The following CACNA1C variants were observed in gnomAD, a reference collection of about 807,000 sequenced individuals.
The protein encoded by CACNA1C is voltage-dependent L-type calcium channel subunit alpha-1C.
In CACNA1C, 30 loss-of-function variants were observed where a neutral mutation model predicts 229.0. The ratio of observed to expected loss-of-function variants is 0.13; its 90% CI spans 0.10 to 0.18. The LOEUF (loss-of-function observed/expected upper bound fraction) is 0.18. Among genes scored for constraint, CACNA1C ranks in the 10% least tolerant of loss-of-function variants. The probability of loss-of-function intolerance (pLI) is 1.00; values close to 1 mark genes in which losing one functional copy is unlikely to be tolerated. For missense variants in CACNA1C, 1,658 were observed against 2,845.0 expected (o/e 0.58, Z 9.49); for synonymous variants, 1,114 against 1,132.5 (o/e 0.98, Z 0.33).
chr12:2,090,354 G>T, intron 1 of CACNA1C, among the ~76,000 whole-genome samples: 1 of 104,908 alleles, frequency 9.5e-6, no homozygotes, highest in African/African-American at 3.8e-5. Context: ...GTCTTGCTCT[G>T]TCACCCAGGC....
At chr12:2,312,763 G>A (rs1326864940) in intron 3 of CACNA1C, among the ~76,000 whole-genome samples, 2 of 152,008 alleles carry the variant, frequency 1.3e-5, no homozygotes, top group African/African-American at 2.4e-5. Context: ...CATTTCAACC[G>A]TCATACCATC....
rs962903025 is a variant in CACNA1C, at chr12:2,696,362, G to A, written c.*5163G>A. ...ACTAAGACTAGGTAATTACACAGAG[G>A]CTTGAAATGTTACATCACCAGAGCC... is the stretch of plus-strand genomic sequence containing the variant. On this transcript the variant is annotated 3_prime_UTR_variant, in exon 47 of 47. Transcript: ENST00000399655. 1 of 152,134 alleles carries A rather than the reference G, an allele frequency of 6.6e-6. No homozygotes were observed. The highest frequency in any genetic ancestry group is 1.5e-5 in the Non-Finnish European group (1 of 68,028). 9.4% of individuals were successfully genotyped at this position (152,134 alleles called of 1,614,324 possible). A position where few individuals can be genotyped will look rare whatever the true frequency, so the allele number is the denominator to read the frequency against.
chr12:2,526,198 C>G (rs1160329838), intron 9 of CACNA1C, among the ~76,000 whole-genome samples: 1 of 152,180 alleles, frequency 6.6e-6, no homozygotes, highest in African/African-American at 2.4e-5. Context: ...TTCTAAAACC[C>G]TGGGGCATAA....
At chr12:2,369,743 G>A (rs2097807237) in intron 3 of CACNA1C, among the ~76,000 whole-genome samples, 1 of 152,092 alleles carries the variant, frequency 6.6e-6, no homozygotes, top group African/African-American at 2.4e-5. Flanking sequence ...GCAAATTACA[G>A]GTGGATTCAA....
chr12:2,339,005 T>C (rs1371842171), intron 3 of CACNA1C, among the ~76,000 whole-genome samples: 1 of 152,246 alleles, frequency 6.6e-6, no homozygotes, highest in Non-Finnish European at 1.5e-5. Context: ...TAGAGAATAA[T>C]TTCAAAATTA....
At chr12:2,306,343 A>G (rs1351095435) in intron 3 of CACNA1C, among the ~76,000 whole-genome samples, 3 of 152,226 alleles carry the variant, frequency 2.0e-5, no homozygotes, top group Non-Finnish European at 4.4e-5. Context: ...GGGCCTGATC[A>G]CAGGCCAGCA....
chr12:2,004,123 G>A (rs530703483), intron 1 of CACNA1C: 329 of 818,004 alleles, frequency 4.0e-4, no homozygotes, highest in Non-Finnish European at 8.8e-5. Context: ...CCAAACCCCC[G>A]AGACCCCATC....
At chr12:2,681,085 C>T (rs1417392721) in intron 42 of CACNA1C, among the ~76,000 whole-genome samples, 1 of 152,166 alleles carries the variant, frequency 6.6e-6, no homozygotes, top group Non-Finnish European at 1.5e-5. Flanking sequence ...ACCCCCTTCT[C>T]CCCTCTGGCC....
At chr12:2,107,907 T>C (rs2079835003) in intron 1 of CACNA1C, among the ~76,000 whole-genome samples, 1 of 152,230 alleles carries the variant, frequency 6.6e-6, no homozygotes, top group African/African-American at 2.4e-5. Flanking sequence ...TTTGTCTTAA[T>C]ACAGCACAAC....
intron 5 of CACNA1C, among the ~76,000 whole-genome samples, chr12:2,483,349 G>A (rs1403731951): frequency 6.6e-6 from 1 of 152,178 alleles, no homozygotes; most frequent in African/African-American, 2.4e-5. Context: ...TTTAGGAAGA[G>A]CATTTTAAGT....
chr12:2,418,188 T>G (rs1027048958), intron 3 of CACNA1C, among the ~76,000 whole-genome samples: 6 of 152,164 alleles, frequency 3.9e-5, no homozygotes, highest in Non-Finnish European at 7.3e-5. Context: ...CCAGGCTGGC[T>G]TCTCCTGGGC....
In CACNA1C at chr12:2,629,530, C is replaced by A. The variant is rs149073738; in HGVS notation, c.3829-4767C>A. ...GCTTTGGATGCATGGTCTCCTTTCA[C>A]CCTCACCTCAACTCTGTGCTTTATC... On this transcript the variant is annotated intron_variant, in intron 29 of 46. Transcript: ENST00000399655. Among the ~76,000 whole-genome samples, 258 of 152,312 alleles carry A rather than the reference C, an allele frequency of 1.7e-3. 1 individual carries two copies. The highest frequency in any genetic ancestry group is 5.9e-3 in the African/African-American group (246 of 41,578).
intron 1 of CACNA1C, among the ~76,000 whole-genome samples, chr12:2,006,319 A>C (rs1398154144): frequency 6.6e-6 from 1 of 152,196 alleles, no homozygotes; most frequent in African/African-American, 2.4e-5. Flanking sequence ...GAGGCAGGAG[A>C]ATCGCTTGAA....
intron 1 of CACNA1C, among the ~76,000 whole-genome samples, chr12:2,111,259 G>A (rs568695379): frequency 1.7e-3 from 262 of 152,352 alleles, no homozygotes; most frequent in African/African-American, 6.0e-3. Context: ...CCCTCATGGA[G>A]TTTTGGGAGG....
At chr12:2,158,492 G>C (rs1193578468) in intron 3 of CACNA1C, among the ~76,000 whole-genome samples, 1 of 152,078 alleles carries the variant, frequency 6.6e-6, no homozygotes, top group Non-Finnish European at 1.5e-5. Context: ...TGGGAGGATT[G>C]CTTGAGCCTG....
chr12:2,083,975 A>G (rs2066622230), intron 1 of CACNA1C, among the ~76,000 whole-genome samples: 1 of 152,220 alleles, frequency 6.6e-6, no homozygotes, highest in African/African-American at 2.4e-5. Context: ...AGTTAGAAAA[A>G]TTAGGTGTGT....
chr12:2,426,302 A>G (rs1010584662), intron 3 of CACNA1C, among the ~76,000 whole-genome samples: 1 of 152,196 alleles, frequency 6.6e-6, no homozygotes, highest in Admixed American at 6.5e-5. Flanking sequence ...AGTTAATATT[A>G]TCAGAAATAA....
intron 3 of CACNA1C, among the ~76,000 whole-genome samples, chr12:2,191,775 G>A (rs889391350): frequency 3.1e-5 from 4 of 130,406 alleles, no homozygotes; most frequent in Non-Finnish European, 5.0e-5. Context: ...CACCTCCACA[G>A]GCACATACAT....
At position 2,410,470 on chromosome 12, in the gene CACNA1C, T is replaced by G. The variant is rs2098794160; in HGVS notation, c.478-38506T>G. Among the ~76,000 whole-genome samples, 2 of 152,226 alleles carry G rather than the reference T, an allele frequency of 1.3e-5. No individual in the cohort carries two copies. Among genetic ancestry groups the G allele is most frequent in the African/African-American group, 4.8e-5 (2 of 41,452 alleles). On this transcript the variant is annotated intron_variant, in intron 3 of 46. Coordinates refer to ENST00000399655, the MANE Select transcript of CACNA1C (RefSeq NM_000719.7). The surrounding 1 kb of genome is among the most constrained non-coding windows in gnomAD (Gnocchi z 5.3). ...AGTTTTCGTTTTCAAAGGACCATGA[T>G]TTCCATGGATTACTTTGTGCAAAGG...
Sources: gnomAD v4.1 joint callset for allele counts (sites outside exome capture counted in the v4.1 genomes callset) on GRCh38, gnomAD v4.1.1 for gene constraint, Gnocchi (gnomAD v3.1) non-coding constraint, MANE v1.5 for transcripts, NCBI Gene and HGNC (gene_info 2026-07-23, HGNC 2026-07-21) for gene names.